The following PLXNA3 variants were observed in gnomAD, a reference collection of about 807,000 sequenced individuals.
PLXNA3 encodes plexin A3.
Under a neutral mutation model 118.8 loss-of-function variants are expected in PLXNA3, and 52 were observed. The ratio of observed to expected loss-of-function variants is 0.44; its 90% CI spans 0.35 to 0.55. The LOEUF is 0.55. PLXNA3 is among the 20% of genes least tolerant of loss of function. The pLI, the probability that PLXNA3 is intolerant of heterozygous loss-of-function variation, is 0.01. For synonymous variants in PLXNA3, 925 were observed against 762.4 expected, an observed-to-expected ratio of 1.21 and a Z score of -3.51; for missense variants, 1,660 against 1,730.8, an observed-to-expected ratio of 0.96 and a Z score of 0.73.
At chrX:154,460,091 G>C (rs1385239470) in intron 1 of PLXNA3, 66 bp from the exon 2 acceptor site, 29 of 594,006 alleles carry the variant, frequency 4.9e-5, no homozygotes, top group Non-Finnish European at 7.2e-5. Context: ...TTGGCGGGGT[G>C]GTGGGTGAAT....
chrX:154,476,609 G>A lies in PLXNA3; in HGVS notation c.*3924G>A, dbSNP rs2069238021. 1 of 112,153 alleles carries A rather than the reference G, an allele frequency of 8.9e-6. No homozygotes were observed. The highest frequency in any genetic ancestry group is 3.7e-4 in the South Asian group (1 of 2,701). 9.2% of individuals were successfully genotyped at this position (112,153 alleles called of 1,213,427 possible). On this transcript the variant is annotated 3_prime_UTR_variant, in exon 33 of 33. Coordinates refer to ENST00000369682, the MANE Select transcript of PLXNA3 (RefSeq NM_017514.5). ...TCATAAGCTGAAGGCCAGTGCCACC[G>A]TCACCACTGGCAGAGCTCCCCAGAT...
intron 26 of PLXNA3, 80 bp downstream of exon 26, chrX:154,469,295 C>A: frequency 8.7e-7 from 1 of 1,154,155 alleles, no homozygotes; most frequent in Non-Finnish European, 1.2e-6. Context: ...TCCCGCTCCC[C>A]ACCTGAACCC....
Position 154,468,870 on chromosome X carries a change from G to A in PLXNA3, c.4335G>A (p.Gln1445=). ...PLFLLYCAIK[Q]QMEKGPIDAI... is the part of the protein sequence containing the mutation. ...TCCTGCTTTACTGTGCCATCAAGCA[G>A]CAGATGGAGAAGGGCCCCATTGATG... Residue 1445 remains glutamine (Q), a synonymous_variant, in exon 25 of 33, where the codon CAG becomes CAA. Transcript: ENST00000369682. 1 of 1,211,672 alleles carries A rather than the reference G, an allele frequency of 8.3e-7. No individual in the cohort carries two copies. The highest frequency in any genetic ancestry group is 1.1e-6 in the Non-Finnish European group (1 of 895,506).
Position 154,471,087 on chromosome X carries a change from T to C in PLXNA3, c.5157-18T>C. The C allele has an allele frequency of 8.3e-7, 1 of 1,201,343 alleles. No individual in the cohort carries two copies. The highest frequency in any genetic ancestry group is 1.1e-6 in the Non-Finnish European group (1 of 887,471). ...CTAACTAGGGAGCCTCAGGCGCACG[T>C]CCCTCTGTTGTCCACAGCCTGCCGC... On this transcript the variant is annotated intron_variant, in intron 30 of 32. Coordinates refer to ENST00000369682, the MANE Select transcript of PLXNA3 (RefSeq NM_017514.5).
Position 154,461,386 on chromosome X carries a change from C to T in PLXNA3, c.882C>T (p.Ser294=), listed in dbSNP as rs140563543. The T allele has an allele frequency of 2.5e-4, 304 of 1,210,889 alleles. 2 individuals carry two copies. Among genetic ancestry groups the T allele is most frequent in the African/African-American group, 1.9e-3 (112 of 57,732 alleles). ...GCGTGGAGTACCGCTTGGTGCAGAG[C>T]GCCCACCTGGCCAAGCCTGGCCTGC... ...WRGVEYRLVQ[S]AHLAKPGLLL... Residue 294 remains serine (S), a synonymous_variant, in exon 3 of 33, where the codon AGC becomes AGT. Coordinates refer to ENST00000369682, the MANE Select transcript of PLXNA3 (RefSeq NM_017514.5).
intron 2 of PLXNA3, 147 bp downstream of exon 2, chrX:154,460,924 A>C: frequency 1.6e-6 from 1 of 612,017 alleles, no homozygotes; most frequent in Non-Finnish European, 2.5e-6. Context: ...GCCTGAACCC[A>C]GGTTGCGGGG....
intron 29 of PLXNA3, 85 bp from the exon 30 acceptor site, chrX:154,470,357 C>T (rs1227341348): frequency 1.9e-6 from 2 of 1,047,782 alleles, no homozygotes; most frequent in African/African-American, 3.7e-5. Flanking sequence ...CTCTCTTTGC[C>T]AAGCCTTTCT....
intron 1 of PLXNA3, among the ~76,000 whole-genome samples, chrX:154,459,212 C>T (rs1293916301): frequency 2.8e-5 from 3 of 107,987 alleles, no homozygotes; most frequent in African/African-American, 6.7e-5. Context: ...CTATCTCCCC[C>T]GGGAGCTCTG....
In PLXNA3 at chrX:154,468,879, G is replaced by A; in HGVS notation, c.4344G>A (p.Glu1448=). 1 of 1,211,650 alleles carries A rather than the reference G, an allele frequency of 8.3e-7. No homozygotes were observed. Among genetic ancestry groups the A allele is most frequent in the Non-Finnish European group, 1.1e-6 (1 of 895,520 alleles). ...LLYCAIKQQM[E]KGPIDAITGE... ...ACTGTGCCATCAAGCAGCAGATGGA[G>A]AAGGGCCCCATTGATGCCATCACGG... The change falls in exon 25 of 33, where the codon GAG becomes GAA. Residue 1448 remains glutamate, a synonymous_variant. Transcript: ENST00000369682.
In PLXNA3 at chrX:154,463,707, C is replaced by T; in HGVS notation, c.1547+17C>T. The T allele has an allele frequency of 8.6e-7, 1 of 1,157,337 alleles. No individual in the cohort carries two copies. The highest frequency in any genetic ancestry group is 1.2e-6 in the Non-Finnish European group (1 of 860,345). ...GCGACACAGGTGAGGGCGGGGACCC[C>T]TGCTCGGGGAGTTGGAGGGCCCCAC... On this transcript the variant is annotated intron_variant, in intron 6 of 32. Transcript: ENST00000369682.
intron 20 of PLXNA3, 33 bp from the exon 21 acceptor site, chrX:154,467,734 G>A: frequency 8.3e-7 from 1 of 1,201,129 alleles, no homozygotes; most frequent in Non-Finnish European, 1.1e-6. Flanking sequence ...GGGTGGGCGT[G>A]GTGGTCAGCT....
In PLXNA3 at chrX:154,467,676, G is replaced by A. The variant is rs1557207782; in HGVS notation, c.3573G>A (p.Arg1191=). The change falls in exon 20 of 33, where the codon CGG becomes CGA. Residue 1191 remains arginine (R), a synonymous_variant. Coordinates refer to ENST00000369682, the MANE Select transcript of PLXNA3 (RefSeq NM_017514.5). ...GCGACTCACCCAGCCAGACTGGCCG[G>A]CAGCCTGTCATGGTAGGTGGGGATG... The part of the protein sequence containing the change: ...LLCDSPSQTG[R]QPVMVLVGGL... The A allele has an allele frequency of 8.3e-7, 1 of 1,209,449 alleles. No homozygotes were observed. Among genetic ancestry groups the A allele is most frequent in the Admixed American group, 2.2e-5 (1 of 46,053 alleles).
In PLXNA3 at chrX:154,477,401, C is replaced by T. The variant is rs2069243359; in HGVS notation, c.*4716C>T. On this transcript the variant is annotated 3_prime_UTR_variant, in exon 33 of 33. Transcript: ENST00000369682. The stretch of plus-strand genomic sequence containing the variant: ...GACACTGTATTTTCCAGGGAGCCAA[C>T]TCCTTGCCCCAGACACTAGTCAATT... 8.8e-6 allele frequency: 1 copy of T among 113,002 alleles called. No homozygotes were observed. Among genetic ancestry groups the T allele is most frequent in the African/African-American group, 3.2e-5 (1 of 31,001 alleles). 9.3% of individuals were successfully genotyped at this position (113,002 alleles called of 1,213,427 possible).
intron 32 of PLXNA3, among the ~76,000 whole-genome samples, 185 bp from the exon 33 acceptor site, chrX:154,472,405 G>A (rs2069195357): frequency 9.1e-6 from 1 of 109,431 alleles, no homozygotes; most frequent in South Asian, 4.0e-4. Flanking sequence ...AGGAGGAGGA[G>A]AAAGTGCTGT....
In PLXNA3 at chrX:154,469,774, C is replaced by T. The variant is rs1557208734; in HGVS notation, c.4785C>T (p.Leu1595=). 1.2e-5 allele frequency: 15 copies of T among 1,206,344 alleles called. No homozygotes were observed. Among genetic ancestry groups the T allele is most frequent in the Non-Finnish European group, 1.7e-5 (15 of 891,014 alleles). ...MANSFTFTRS[L]SRYESLLRTA... is the part of the protein sequence containing the mutation. ...ACTCCTTCACCTTCACCCGCTCCCTCAGCCGCTACGGTAGGTGTCCTCAGT... is the reference window on the plus strand; with the variant it reads ...ACTCCTTCACCTTCACCCGCTCCCTTAGCCGCTACGGTAGGTGTCCTCAGT... The change falls in exon 28 of 33, where the codon CTC becomes CTT. Residue 1595 remains leucine (L), a synonymous_variant. Coordinates refer to ENST00000369682, the MANE Select transcript of PLXNA3 (RefSeq NM_017514.5).
chrX:154,465,653 G>C lies in PLXNA3; in HGVS notation c.2342-4G>C, dbSNP rs2069069499. 16 of 1,206,605 alleles carry C rather than the reference G, an allele frequency of 1.3e-5. No homozygotes were observed. The highest frequency in any genetic ancestry group is 1.8e-5 in the Non-Finnish European group (16 of 892,886). On this transcript the variant is annotated splice_polypyrimidine_tract_variant and splice_region_variant and intron_variant, in intron 12 of 32. Coordinates refer to ENST00000369682, the MANE Select transcript of PLXNA3 (RefSeq NM_017514.5). ...TCCGTCAGCAGTGCCTTCTGTGCCT[G>C]CAGCCCTCCTGTACAAGTGCTGGGC... is the stretch of plus-strand genomic sequence containing the variant.
At chrX:154,462,862 G>A (rs988344347) in intron 4 of PLXNA3, among the ~76,000 whole-genome samples, 1 of 110,463 alleles carries the variant, frequency 9.1e-6, no homozygotes, top group Non-Finnish European at 1.9e-5. Flanking sequence ...GGAGTCGGGG[G>A]ACTGCAGTGC....
rs2069129017 is a variant in PLXNA3 at position 154,468,384 on chromosome X, A to G, written c.4045A>G (p.Thr1349Ala). Residue 1349 changes from threonine to alanine, a missense_variant, in exon 23 of 33, where the codon ACG (threonine) becomes GCG (alanine). This residue lies in a region of PLXNA3 where 869 missense variants were observed against 1,078.7 expected (regional missense o/e 0.81). Transcript: ENST00000369682. ...SRAFVLTFIH[T>A]LEAQSSFSMR... Reference sequence around the variant, plus strand: ...CGCGTTCGTGCTTACCTTCATCCACACGCTGGAGGCCCAGAGCAGCTTCTC... The same window carrying G: ...CGCGTTCGTGCTTACCTTCATCCACGCGCTGGAGGCCCAGAGCAGCTTCTC... The G allele has an allele frequency of 5.0e-6, 6 of 1,209,265 alleles. No individual in the cohort carries two copies. The highest frequency in any genetic ancestry group is 6.7e-6 in the Non-Finnish European group (6 of 894,982).
At position 154,460,797 on chromosome X, in the gene PLXNA3, C is replaced by A. The variant is rs367881503; in HGVS notation, c.594+20C>A. The A allele has an allele frequency of 7.1e-5, 74 of 1,036,452 alleles. 1 individual carries two copies. The African/African-American group carries it at 1.1e-3, about 16-fold the overall frequency. 85.4% of individuals were successfully genotyped at this position (1,036,452 alleles called of 1,213,427 possible). ...AGTCTCGTGCGTGAGCCTTCCTTCT[C>A]TTCTTCCTCCACCCAGTCCTGGCTC... On this transcript the variant is annotated intron_variant, in intron 2 of 32. Transcript: ENST00000369682.
Sources: gnomAD v4.1 joint callset for allele counts (sites outside exome capture counted in the v4.1 genomes callset) on GRCh38, gnomAD v4.1.1 for gene constraint, gnomAD v4.1.1 regional missense constraint, MANE v1.5 for transcripts, NCBI Gene and HGNC (gene_info 2026-07-23, HGNC 2026-07-21) for gene names.